The following CLEC4E variants were observed in gnomAD, a reference collection of about 807,000 sequenced individuals.
CLEC4E encodes C-type lectin domain family 4 member E.
A neutral mutation model predicts 24.7 loss-of-function variants in CLEC4E; 21 were observed. That is an observed-to-expected ratio of 0.85 (90% CI 0.60 to 1.22). The LOEUF (loss-of-function observed/expected upper bound fraction) is 1.22, where lower values mean the gene tolerates loss of function less well. Ranked by LOEUF, CLEC4E falls within the 50% of genes most tolerant of loss-of-function variation. The pLI is 0.00. For missense variants in CLEC4E, 249 were observed against 254.1 expected (o/e 0.98, Z 0.14); for synonymous variants, 94 against 85.7 (o/e 1.10, Z -0.54).
At position 8,534,605 on chromosome 12, in the gene CLEC4E, C is replaced by T; in HGVS notation, c.*33G>A. The T allele has an allele frequency of 6.4e-7, 1 of 1,574,636 alleles. No individual in the cohort carries two copies. Among genetic ancestry groups the T allele is most frequent in the Non-Finnish European group, 8.7e-7 (1 of 1,153,822 alleles). ...GGGTGTGGCCATGTTCTTGCTCTTCCTTCTTTACACATTTGAGTTGTGCCT... is the reference window on the plus strand; with the variant it reads ...GGGTGTGGCCATGTTCTTGCTCTTCTTTCTTTACACATTTGAGTTGTGCCT... On this transcript the variant is annotated 3_prime_UTR_variant, in exon 6 of 6. Transcript: ENST00000299663.
intron 4 of CLEC4E, 44 bp downstream of exon 4, chr12:8,537,071 A>C (rs1223191509): frequency 1.9e-6 from 3 of 1,581,600 alleles, no homozygotes; most frequent in African/African-American, 1.3e-5. Flanking sequence ...AGAGAGGTGG[A>C]CCATGTCGGG....
rs1444110812 is a variant in CLEC4E at position 8,539,217 on chromosome 12, C to T, written c.220G>A (p.Gly74Ser). 4 of 1,599,214 alleles carry T rather than the reference C, an allele frequency of 2.5e-6. No homozygotes were observed. The highest frequency in any genetic ancestry group is 3.4e-6 in the Non-Finnish European group (4 of 1,167,054). ...ATGTTCACCTTTGGGACTATTATAC[C>T]TGATCCATAATTGTAGCAGGAGAGC... ...TELSCYNYGS[G>S]SVKNCCPLNW... is the part of the protein sequence containing the mutation. Residue 74 changes from glycine to serine, a missense_variant and splice_region_variant, in exon 3 of 6, where the codon GGT becomes AGT. Transcript: ENST00000299663.
intron 5 of CLEC4E, among the ~76,000 whole-genome samples, chr12:8,535,537 A>T (rs1940600375): frequency 6.6e-6 from 1 of 152,088 alleles, no homozygotes; most frequent in African/African-American, 2.4e-5. Context: ...TAACCTGCAC[A>T]TCCTGCACAT....
chr12:8,536,854 G>A (rs950423914), intron 4 of CLEC4E, among the ~76,000 whole-genome samples: 3 of 152,034 alleles, frequency 2.0e-5, no homozygotes, highest in African/African-American at 4.8e-5. Flanking sequence ...ATAACGATTC[G>A]TCTAAAATTA....
chr12:8,538,927 C>A, intron 3 of CLEC4E: 1 of 404,690 alleles, frequency 2.5e-6, no homozygotes. Flanking sequence ...TTCTCCATCT[C>A]ATTTTGGAAG....
chr12:8,535,993 C>G, intron 5 of CLEC4E, 97 bp downstream of exon 5: 1 of 685,482 alleles, frequency 1.5e-6, no homozygotes, highest in Non-Finnish European at 2.6e-6. Context: ...TAGCTCTTCT[C>G]TTTCCTGCAT....
rs1940586953 is a variant in CLEC4E at position 8,534,616 on chromosome 12, A to G, written c.*22T>C. Reference sequence around the variant, plus strand: ...TGTTCTTGCTCTTCCTTCTTTACACATTTGAGTTGTGCCTTCTGTTCTTAA... The same window carrying G: ...TGTTCTTGCTCTTCCTTCTTTACACGTTTGAGTTGTGCCTTCTGTTCTTAA... On this transcript the variant is annotated 3_prime_UTR_variant, in exon 6 of 6. Transcript: ENST00000299663. 1.9e-6 allele frequency: 3 copies of G among 1,599,646 alleles called. No homozygotes were observed. Among genetic ancestry groups the G allele is most frequent in the African/African-American group, 1.3e-5 (1 of 74,520 alleles).
At chr12:8,535,717 C>CTAT (rs572753154) in intron 5 of CLEC4E, among the ~76,000 whole-genome samples, 1 of 152,128 alleles carries the variant, frequency 6.6e-6, no homozygotes, top group Non-Finnish European at 1.5e-5. Context: ...TGACGTGAGG[C>CTAT]TATTATTAAG....
Position 8,540,884 on chromosome 12 carries a change from G to T in CLEC4E, c.-87C>A. On this transcript the variant is annotated 5_prime_UTR_variant, in exon 1 of 6. Transcript: ENST00000299663. The stretch of plus-strand genomic sequence containing the variant: ...CTTTCTCCTCAGGAGTGTTTTGTTG[G>T]TAAGATTCAGGGAGAATGAATCTTG... 1.4e-5 allele frequency: 12 copies of T among 887,292 alleles called. No homozygotes were observed. In the South Asian group the frequency reaches 1.5e-4, roughly 11 times the overall value. 55.0% of individuals were successfully genotyped at this position (887,292 alleles called of 1,614,324 possible).
In CLEC4E at chr12:8,537,218, C is replaced by T. The variant is rs1940627767; in HGVS notation, c.269G>A (p.Ser90Asn). Residue 90 changes from serine (S) to asparagine (N), a missense_variant, in exon 4 of 6, where the codon AGC becomes AAC. Transcript: ENST00000299663. ...CPLNWEYFQS[S>N]CYFFSTDTIS... ...GGTGTCAGTAGAAAAGAAGTAGCAG[C>T]TGGATTGAAAATATTCCCAGTTCAA... The T allele has an allele frequency of 3.1e-6, 5 of 1,613,720 alleles. No homozygotes were observed. In the East Asian group the frequency reaches 8.9e-5, roughly 29 times the overall value.
chr12:8,535,161 T>A lies in CLEC4E; in HGVS notation c.489-352A>T, dbSNP rs1277907772. On this transcript the variant is annotated intron_variant, in intron 5 of 5. Transcript: ENST00000299663. ...CTTCACACTCATACCTCATATCGGC[T>A]TAGCTCTCTTTATTCTGCACAGAGT... Among the ~76,000 whole-genome samples, 3 of 152,220 alleles carry A rather than the reference T, an allele frequency of 2.0e-5. No homozygotes were observed. In the East Asian group the frequency reaches 5.8e-4, roughly 29 times the overall value.
intron 3 of CLEC4E, among the ~76,000 whole-genome samples, chr12:8,538,641 C>T (rs763367869): frequency 6.6e-6 from 1 of 152,210 alleles, no homozygotes; most frequent in Non-Finnish European, 1.5e-5. Flanking sequence ...TTTCTACATG[C>T]TCTCGTCTCT....
At chr12:8,538,699 T>G (rs1014511098) in intron 3 of CLEC4E, among the ~76,000 whole-genome samples, 2 of 152,190 alleles carry the variant, frequency 1.3e-5, no homozygotes, top group Non-Finnish European at 2.9e-5. Context: ...TCCCTACAGT[T>G]AGATTTCTTA....
chr12:8,536,501 T>C (rs1940617151), intron 4 of CLEC4E, among the ~76,000 whole-genome samples: 3 of 152,068 alleles, frequency 2.0e-5, no homozygotes, highest in Admixed American at 2.0e-4. Flanking sequence ...GAGGTTGCAG[T>C]GAGCCGAGAT....
In CLEC4E at chr12:8,540,839, TTCTC is replaced by T; in HGVS notation, c.-46_-43del. 1 of 830,064 alleles carries T rather than the reference TTCTC, an allele frequency of 1.2e-6. No homozygotes were observed. Among genetic ancestry groups the T allele is most frequent in the Non-Finnish European group, 1.9e-6 (1 of 534,918 alleles). The allele number at this position is 830,064 out of a possible 1,614,324, so 51.4% of individuals were successfully genotyped here. On this transcript the variant is annotated 5_prime_UTR_variant, in exon 1 of 6. Transcript: ENST00000299663. ...GTTTTTTGTTTCTCTCTCTCTCTTT[TTCTC>T]TCCCTCCCTCTCTTTCTTTCTCCTC...
In CLEC4E at chr12:8,539,309, G is replaced by A. The variant is rs747106804; in HGVS notation, c.131-3C>T. 1 of 1,592,422 alleles carries A rather than the reference G, an allele frequency of 6.3e-7. No homozygotes were observed. Among genetic ancestry groups the A allele is most frequent in the Non-Finnish European group, 8.6e-7 (1 of 1,163,312 alleles). On this transcript the variant is annotated splice_polypyrimidine_tract_variant and splice_region_variant and intron_variant, in intron 2 of 5. Transcript: ENST00000299663. The stretch of plus-strand genomic sequence containing the variant: ...GGTTTGAAAGATGCGAAATGTCACT[G>A]TAAAAGAAAGGGCATAATGTTTGTT...
Position 8,539,947 on chromosome 12 carries a change from T to C in CLEC4E, c.38A>G (p.Glu13Gly), listed in dbSNP as rs781405986. 6.3e-7 allele frequency: 1 copy of C among 1,584,362 alleles called. No homozygotes were observed. Among genetic ancestry groups the C allele is most frequent in the Non-Finnish European group, 8.7e-7 (1 of 1,152,962 alleles). Reference sequence around the variant, plus strand: ...CATTTGGGAAGAGAAGCATCCTCTCTCTGTAGAAAGAAAGACACAAACATG... The same window carrying C: ...CATTTGGGAAGAGAAGCATCCTCTCCCTGTAGAAAGAAAGACACAAACATG... ...SSKSSETQCT[E>G]RGCFSSQMFL... Residue 13 changes from glutamate to glycine, a missense_variant and splice_region_variant, in exon 2 of 6, where the codon GAG becomes GGG. Transcript: ENST00000299663.
chr12:8,535,328 C>G (rs1482703310), intron 5 of CLEC4E, among the ~76,000 whole-genome samples: 1 of 152,074 alleles, frequency 6.6e-6, no homozygotes, highest in Admixed American at 6.6e-5. Context: ...TTAGTTTCCT[C>G]AAATGCTAAA....
In CLEC4E at chr12:8,539,603, G is replaced by A. The variant is rs73238660; in HGVS notation, c.130+252C>T. On this transcript the variant is annotated intron_variant, in intron 2 of 5. Coordinates refer to ENST00000299663, the MANE Select transcript of CLEC4E (RefSeq NM_014358.4). ...ACTAATGATAGAGGCTGAAAGAGGA[G>A]GATTCAGGACTGCCAAGGAAGTGAA... is the stretch of plus-strand genomic sequence containing the variant. Among the ~76,000 whole-genome samples, 1,099 of 152,196 alleles carry A rather than the reference G, an allele frequency of 7.2e-3. 15 individuals carry two copies. Among genetic ancestry groups the A allele is most frequent in the African/African-American group, 0.025 (1,047 of 41,514 alleles).
Sources: allele counts gnomAD v4.1 joint callset (sites outside exome capture counted in the v4.1 genomes callset), GRCh38; gene constraint gnomAD v4.1.1; transcripts MANE v1.5; gene names NCBI Gene and HGNC (gene_info 2026-07-23, HGNC 2026-07-21).